Variants in AFG2A observed in about 807,000 individuals in gnomAD.
AFG2A encodes AAA ATPase AFG2A.
chr4:123,002,486 T>G, the AFG2A span, among the ~76,000 whole-genome samples: 2 of 152,198 alleles, frequency 1.3e-5, no homozygotes, highest in African/African-American at 2.4e-5. Context: ...AGGAGCTCTT[T>G]TAGGGCAGGC....
the AFG2A span, among the ~76,000 whole-genome samples, chr4:123,181,320 T>G: frequency 6.6e-6 from 1 of 151,796 alleles, no homozygotes. Flanking sequence ...CCTTTAAAAA[T>G]GTAGAAGCTG....
the AFG2A span, among the ~76,000 whole-genome samples, chr4:122,987,308 T>G: frequency 6.6e-6 from 1 of 152,280 alleles, no homozygotes; most frequent in South Asian, 2.1e-4. Flanking sequence ...ATAGAATACT[T>G]TAAATTAAAA....
At chr4:123,073,160 G>T in the AFG2A span, among the ~76,000 whole-genome samples, 1 of 149,988 alleles carries the variant, frequency 6.7e-6, no homozygotes, top group South Asian at 2.1e-4. Context: ...TTTAAAACAT[G>T]AATTCCTATT....
chr4:123,154,483 C>G, the AFG2A span, among the ~76,000 whole-genome samples: 1 of 152,146 alleles, frequency 6.6e-6, no homozygotes, highest in South Asian at 2.1e-4. Context: ...TAAGGTGATA[C>G]TGCCCTATAC....
At chr4:122,987,393 T>C in the AFG2A span, among the ~76,000 whole-genome samples, 3 of 152,160 alleles carry the variant, frequency 2.0e-5, no homozygotes, top group Admixed American at 6.5e-5. Context: ...ACTCTGTCTT[T>C]TGACTGGAGA....
the AFG2A span, chr4:122,938,229 C>T: frequency 6.2e-7 from 1 of 1,602,828 alleles, no homozygotes; most frequent in African/African-American, 1.3e-5. Context: ...ACTCTTAACA[C>T]TGATGGATGG....
the AFG2A span, among the ~76,000 whole-genome samples, chr4:123,176,936 T>C: frequency 6.6e-6 from 1 of 152,194 alleles, no homozygotes; most frequent in African/African-American, 2.4e-5. Context: ...GTTGTAATGA[T>C]AGCATGTTGA....
chr4:123,118,082 A>C, the AFG2A span, among the ~76,000 whole-genome samples: 1 of 151,320 alleles, frequency 6.6e-6, no homozygotes, highest in Non-Finnish European at 1.5e-5. Flanking sequence ...TTTTTAAAAG[A>C]TATTTTGTTA....
At chr4:123,252,716 C>A in the AFG2A span, among the ~76,000 whole-genome samples, 1 of 152,196 alleles carries the variant, frequency 6.6e-6, no homozygotes, top group African/African-American at 2.4e-5. Context: ...GAAACCACCT[C>A]TGCAATTAAG....
chr4:123,061,112 C>T, the AFG2A span, among the ~76,000 whole-genome samples: 2 of 152,204 alleles, frequency 1.3e-5, no homozygotes, highest in East Asian at 1.9e-4. Flanking sequence ...CCACTTAACA[C>T]GTCTCTAGGA....
At chr4:123,224,535 T>C in the AFG2A span, among the ~76,000 whole-genome samples, 2 of 152,244 alleles carry the variant, frequency 1.3e-5, no homozygotes, top group Non-Finnish European at 2.9e-5. Context: ...ACAAAGGACA[T>C]GAACTCATCA....
At chr4:123,048,993 A>G in the AFG2A span, among the ~76,000 whole-genome samples, 6 of 152,142 alleles carry the variant, frequency 3.9e-5, no homozygotes, top group South Asian at 2.1e-4. Context: ...GATAGTAGCT[A>G]TGGGCTTGTC....
At chr4:123,146,346 G>A in the AFG2A span, among the ~76,000 whole-genome samples, 3 of 152,090 alleles carry the variant, frequency 2.0e-5, no homozygotes, top group South Asian at 2.1e-4. Context: ...GGAGAAAAAC[G>A]GAAAAGAAGG....
At chr4:123,013,814 A>ATT in the AFG2A span, among the ~76,000 whole-genome samples, 1 of 152,158 alleles carries the variant, frequency 6.6e-6, no homozygotes, top group African/African-American at 2.4e-5. Context: ...CTATTAATTT[A>ATT]TTTCTTTACC....
the AFG2A span, among the ~76,000 whole-genome samples, chr4:122,985,145 G>A: frequency 1.4e-5 from 2 of 146,804 alleles, no homozygotes; most frequent in African/African-American, 2.5e-5. Flanking sequence ...TTTTTGAGAC[G>A]GAGTAGTTTT....
At chr4:123,065,135 C>T in the AFG2A span, among the ~76,000 whole-genome samples, 2 of 152,124 alleles carry the variant, frequency 1.3e-5, no homozygotes, top group Non-Finnish European at 2.9e-5. Context: ...AGTTAACTAA[C>T]CTTTCAAGCT....
chr4:122,953,001 G>A, the AFG2A span, among the ~76,000 whole-genome samples: 516 of 152,284 alleles, frequency 3.4e-3, 3 homozygotes, highest in Middle Eastern at 0.014. Context: ...CACATGGGCC[G>A]TACATGGCTG....
the AFG2A span, among the ~76,000 whole-genome samples, chr4:123,083,743 C>T: frequency 6.6e-6 from 1 of 151,518 alleles, no homozygotes; most frequent in Non-Finnish European, 1.5e-5. Context: ...AGGATTGTTG[C>T]ATCTATGTTT....
At chr4:123,017,000 C>T in the AFG2A span, among the ~76,000 whole-genome samples, 1 of 152,174 alleles carries the variant, frequency 6.6e-6, no homozygotes, top group Non-Finnish European at 1.5e-5. Context: ...CGCACGCCTG[C>T]AATCGCAGGC....
Sources: gnomAD v4.1 joint callset for allele counts (sites outside exome capture counted in the v4.1 genomes callset) on GRCh38, gnomAD v4.1.1 for gene constraint, MANE v1.5 for transcripts, NCBI Gene and HGNC (gene_info 2026-07-23, HGNC 2026-07-21) for gene names.